The following PTPRJ variants were observed in gnomAD, a reference collection of about 807,000 sequenced individuals.
The protein encoded by PTPRJ is receptor-type tyrosine-protein phosphatase eta.
A neutral mutation model predicts 141.3 loss-of-function variants in PTPRJ; 129 were observed. The observed-to-expected ratio is 0.91, with a 90% confidence interval of 0.79 to 1.06. The LOEUF is 1.06. Ranked by LOEUF, PTPRJ falls within the 50% of genes least tolerant of loss-of-function variation. PTPRJ has a pLI of 0.00. For synonymous variants in PTPRJ, 610 were observed against 640.5 expected (o/e 0.95, Z 0.72); for missense variants, 1,601 against 1,679.7 (o/e 0.95, Z 0.82).
intron 14 of PTPRJ, among the ~76,000 whole-genome samples, chr11:48,145,907 C>T (rs999529704): frequency 3.9e-5 from 6 of 152,198 alleles, no homozygotes; most frequent in African/African-American, 1.4e-4. Flanking sequence ...CCCAGGAGTA[C>T]AGTGGCATGA....
intron 1 of PTPRJ, among the ~76,000 whole-genome samples, chr11:48,002,827 G>A (rs910580069): frequency 1.3e-5 from 2 of 152,126 alleles, no homozygotes; most frequent in African/African-American, 2.4e-5. Context: ...GAGGCAGGCA[G>A]GCCTCAGTGT....
At chr11:48,084,857 A>G (rs959561637) in intron 1 of PTPRJ, among the ~76,000 whole-genome samples, 1 of 152,174 alleles carries the variant, frequency 6.6e-6, no homozygotes, top group African/African-American at 2.4e-5. Context: ...GAGCCATTCA[A>G]AGTGCAGTGG....
chr11:48,122,426 A>G (rs1048548870), intron 4 of PTPRJ, among the ~76,000 whole-genome samples: 3 of 152,208 alleles, frequency 2.0e-5, no homozygotes, highest in South Asian at 4.1e-4. Flanking sequence ...ACAGGGCTGC[A>G]TGGGAGCAGG....
At chr11:48,044,484 T>C (rs372874909) in intron 1 of PTPRJ, among the ~76,000 whole-genome samples, 3 of 152,188 alleles carry the variant, frequency 2.0e-5, no homozygotes, top group Non-Finnish European at 2.9e-5. Context: ...CCAAAGCTGG[T>C]TGGCTGGCTA....
chr11:48,022,478 A>AAT (rs1853679166), intron 1 of PTPRJ, among the ~76,000 whole-genome samples: 3 of 152,082 alleles, frequency 2.0e-5, no homozygotes, highest in African/African-American at 4.8e-5. Flanking sequence ...AAAAAAAAAA[A>AAT]AAATTAAGAT....
chr11:48,117,809 GA>G (rs1856607949), intron 3 of PTPRJ, among the ~76,000 whole-genome samples: 2 of 151,402 alleles, frequency 1.3e-5, no homozygotes, highest in Admixed American at 6.6e-5. Context: ...TGAAAACAAA[GA>G]ACATTGACAA....
intron 1 of PTPRJ, among the ~76,000 whole-genome samples, chr11:47,989,664 T>G (rs972005006): frequency 1.3e-5 from 2 of 152,174 alleles, no homozygotes; most frequent in African/African-American, 4.8e-5. Context: ...ATAATCTTTG[T>G]TATCAATTTG....
chr11:48,042,676 C>T (rs970625021), intron 1 of PTPRJ, among the ~76,000 whole-genome samples: 3 of 151,738 alleles, frequency 2.0e-5, no homozygotes, highest in South Asian at 2.1e-4. Context: ...TGGAGTACAG[C>T]GGTTTAGAAC....
chr11:48,069,904 C>G (rs1052419347), intron 1 of PTPRJ, among the ~76,000 whole-genome samples: 1 of 152,178 alleles, frequency 6.6e-6, no homozygotes, highest in African/African-American at 2.4e-5. Flanking sequence ...GGACTTGCAT[C>G]TCATTTGTAG....
At chr11:48,146,842 C>T in intron 14 of PTPRJ, 34 bp from the exon 15 acceptor site, 1 of 1,583,226 alleles carries the variant, frequency 6.3e-7, no homozygotes, top group Non-Finnish European at 8.7e-7. Flanking sequence ...GCATGAACAC[C>T]TCTTGAAGTG....
intron 12 of PTPRJ, 132 bp downstream of exon 12, chr11:48,143,182 C>CA (rs1857275187): frequency 8.3e-7 from 1 of 1,210,780 alleles, no homozygotes; most frequent in South Asian, 1.6e-5. Context: ...GCTGTGTACT[C>CA]AGACAGAGAA....
At chr11:48,165,865 CT>C (rs145510713) in intron 24 of PTPRJ, among the ~76,000 whole-genome samples, 65,675 of 147,850 alleles carry the variant, frequency 0.44, 17,139 homozygotes, top group Non-Finnish European at 0.57. Flanking sequence ...TTTCTCTCCT[CT>C]TTTTTTTTTT....
intron 22 of PTPRJ, among the ~76,000 whole-genome samples, chr11:48,162,076 A>C (rs1003267794): frequency 6.6e-6 from 1 of 151,438 alleles, no homozygotes; most frequent in African/African-American, 2.4e-5. Flanking sequence ...TATTAACTAA[A>C]CTCCAGACTT....
intron 1 of PTPRJ, among the ~76,000 whole-genome samples, chr11:48,027,421 A>G (rs1401180723): frequency 6.6e-6 from 1 of 152,082 alleles, no homozygotes; most frequent in Non-Finnish European, 1.5e-5. Flanking sequence ...TGGTCCTGAT[A>G]TGGATGGGGC....
intron 1 of PTPRJ, among the ~76,000 whole-genome samples, chr11:48,070,414 C>T (rs531515688): frequency 7.9e-5 from 12 of 150,974 alleles, no homozygotes; most frequent in Non-Finnish European, 1.8e-4. Context: ...GGCAGGAGAA[C>T]TGCTGGAACG....
At chr11:48,108,881 C>T (rs1377365945) in intron 1 of PTPRJ, among the ~76,000 whole-genome samples, 1 of 152,190 alleles carries the variant, frequency 6.6e-6, no homozygotes. Flanking sequence ...TTCTTTCCTT[C>T]CTGTGCCGTT....
chr11:48,167,309 G>A lies in PTPRJ; in HGVS notation c.3961G>A (p.Glu1321Lys). 2.5e-6 allele frequency: 4 copies of A among 1,614,082 alleles called. No homozygotes were observed. The highest frequency in any genetic ancestry group is 3.4e-6 in the Non-Finnish European group (4 of 1,179,934). ...YQNTTAMTIY[E>K]NLAPVTTFGK... Reference sequence around the variant, plus strand: ...GAACACAACTGCAATGACAATCTATGAAAACCTTGCGCCCGTGACCACATT... The same window carrying A: ...GAACACAACTGCAATGACAATCTATAAAAACCTTGCGCCCGTGACCACATT... Residue 1321 changes from glutamate (E) to lysine (K), a missense_variant, in exon 25 of 25, where the codon GAA (glutamate) becomes AAA (lysine). Transcript: ENST00000418331.
intron 1 of PTPRJ, among the ~76,000 whole-genome samples, chr11:48,087,611 C>T (rs1384056260): frequency 6.6e-6 from 1 of 152,116 alleles, no homozygotes; most frequent in African/African-American, 2.4e-5. Flanking sequence ...ATGTGAGTTG[C>T]CTAAGGTCAC....
At chr11:48,068,813 CT>C (rs1855153917) in intron 1 of PTPRJ, among the ~76,000 whole-genome samples, 1 of 152,220 alleles carries the variant, frequency 6.6e-6, no homozygotes, top group Non-Finnish European at 1.5e-5. Flanking sequence ...CTAATCCTCA[CT>C]TTGCTCATGT....
Sources: allele counts gnomAD v4.1 joint callset (sites outside exome capture counted in the v4.1 genomes callset), GRCh38; gene constraint gnomAD v4.1.1; transcripts MANE v1.5; gene names NCBI Gene and HGNC (gene_info 2026-07-23, HGNC 2026-07-21).